The following TLE1 variants were observed in gnomAD, a reference collection of about 807,000 sequenced individuals.
TLE1 encodes the protein transducin-like enhancer protein 1.
A neutral mutation model predicts 89.8 loss-of-function variants in TLE1; 21 were observed. The observed-to-expected ratio is 0.23, with a 90% CI of 0.17 to 0.34. The LOEUF (loss-of-function observed/expected upper bound fraction) is 0.34, where lower values mean the gene tolerates loss of function less well. Among genes scored for constraint, TLE1 ranks in the 10% least tolerant of loss-of-function variants. The pLI, the probability that TLE1 is intolerant of heterozygous loss-of-function variation, is 1.00. For missense variants in TLE1, 795 were observed against 1,031.2 expected, an observed-to-expected ratio of 0.77 and a Z score of 3.14; for synonymous variants, 447 against 407.6, an observed-to-expected ratio of 1.10 and a Z score of -1.16.
At chr9:81,675,648 T>A (rs1309249156) in intron 4 of TLE1, among the ~76,000 whole-genome samples, 1 of 151,920 alleles carries the variant, frequency 6.6e-6, no homozygotes, top group Non-Finnish European at 1.5e-5. Flanking sequence ...GATAAGGTTA[T>A]TAGAACTGAA....
chr9:81,588,261 GAGAA>G (rs1212566218), intron 16 of TLE1, among the ~76,000 whole-genome samples: 3 of 152,208 alleles, frequency 2.0e-5, no homozygotes, highest in African/African-American at 7.2e-5. Context: ...GAGTCCGTGA[GAGAA>G]AGAAATGGGG....
At chr9:81,675,975 G>A (rs965175197) in intron 4 of TLE1, among the ~76,000 whole-genome samples, 32 of 151,900 alleles carry the variant, frequency 2.1e-4, no homozygotes, top group African/African-American at 7.3e-5. Context: ...CTGGGATTAC[G>A]GGCGTGAGCC....
At chr9:81,585,410 A>AT (rs2131727199) in intron 18 of TLE1, 95 bp downstream of exon 18, 3 of 1,490,602 alleles carry the variant, frequency 2.0e-6, no homozygotes, top group South Asian at 2.6e-5. Context: ...CTCGGAGAAC[A>AT]TTTTTTCCAG....
At chr9:81,646,112 G>A (rs972654349) in intron 6 of TLE1, among the ~76,000 whole-genome samples, 5 of 152,054 alleles carry the variant, frequency 3.3e-5, no homozygotes, top group South Asian at 2.1e-4. Context: ...CATGTATCCC[G>A]GAACTTAAAT....
chr9:81,616,507 A>G, intron 10 of TLE1, 139 bp downstream of exon 10: 1 of 775,300 alleles, frequency 1.3e-6, no homozygotes, highest in Admixed American at 2.6e-5. Context: ...ATACATGAGC[A>G]ACCATTAACT....
chr9:81,680,133 G>A (rs1833422095), intron 4 of TLE1, among the ~76,000 whole-genome samples: 2 of 152,188 alleles, frequency 1.3e-5, no homozygotes, highest in African/African-American at 2.4e-5. Flanking sequence ...CCATGCGAGG[G>A]AACAAACAGA....
Position 81,611,927 on chromosome 9 carries a change from C to A in TLE1, c.1096G>T (p.Gly366Cys). 6.7e-7 allele frequency: 1 copy of A among 1,492,984 alleles called. No individual in the cohort carries two copies. The highest frequency in any genetic ancestry group is 1.4e-5 in the South Asian group (1 of 73,550). 92.5% of individuals were successfully genotyped at this position (1,492,984 alleles called of 1,614,324 possible). Reference sequence around the variant, plus strand: ...ATCCCAAAAGGAGCAGGATATGGGCCGGGCACTGCCAGGGGTGTCCTCAAG... The same window carrying A: ...ATCCCAAAAGGAGCAGGATATGGGCAGGGCACTGCCAGGGGTGTCCTCAAG... ...AGLRTPLAVP[G>C]PYPAPFGMVP... The change falls in exon 13 of 20, where the codon GGC (glycine) becomes TGC (cysteine). Residue 366 changes from glycine (G) to cysteine (C), a missense_variant. By Grantham distance (159) the Gly-to-Cys change is radical (BLOSUM62 -3). Around this residue, in one of 4 missense-constraint regions of TLE1, gnomAD observed 468 missense variants for 509.1 expected, o/e 0.92. Transcript: ENST00000376499.
chr9:81,621,904 C>G (rs1423133739), intron 8 of TLE1, among the ~76,000 whole-genome samples: 1 of 152,164 alleles, frequency 6.6e-6, no homozygotes, highest in Non-Finnish European at 1.5e-5. Flanking sequence ...GTTCAAGCTA[C>G]ACAAATGCCA....
intron 6 of TLE1, among the ~76,000 whole-genome samples, 165 bp from the exon 7 acceptor site, chr9:81,634,466 G>A (rs983138788): frequency 1.1e-4 from 16 of 144,554 alleles, no homozygotes; most frequent in Admixed American, 4.3e-4. Context: ...AAGAAAGAGA[G>A]GGAGGAAAGG....
rs79745040 is a variant in TLE1 at position 81,628,919 on chromosome 9, A to G, written c.594+4429T>C. 5.9e-3 allele frequency among the ~76,000 whole-genome samples: 902 copies of G among 152,220 alleles called. 11 individuals are homozygous for G. The highest frequency in any genetic ancestry group is 0.02 in the African/African-American group (843 of 41,526). On this transcript the variant is annotated intron_variant, in intron 8 of 19. Coordinates refer to ENST00000376499, the MANE Select transcript of TLE1 (RefSeq NM_005077.5). The stretch of plus-strand genomic sequence containing the variant: ...ATAGTCTCTCCCCAGAATTCTGCAA[A>G]AGAGCACGGACCCACCCAGTCCATC...
rs766168019 is a variant in TLE1, at chr9:81,584,095, G to A, written c.*103C>T. On this transcript the variant is annotated 3_prime_UTR_variant, in exon 20 of 20. Transcript: ENST00000376499. ...TTTCTGTCAAGGTTTGGAAACAGGT[G>A]TTTGTAATTTTTTTTCTCTTTTAAA... 144 of 1,037,322 alleles carry A rather than the reference G, an allele frequency of 1.4e-4. No homozygotes were observed. Among genetic ancestry groups the A allele is most frequent in the Non-Finnish European group, 1.9e-4 (133 of 688,330 alleles). The allele number at this position is 1,037,322 out of a possible 1,614,324, so 64.3% of individuals were successfully genotyped here.
At chr9:81,596,760 G>A (rs1830275714) in intron 14 of TLE1, among the ~76,000 whole-genome samples, 1 of 152,170 alleles carries the variant, frequency 6.6e-6, no homozygotes, top group Non-Finnish European at 1.5e-5. Context: ...TCAAGGTGGT[G>A]GTTAACCTTG....
rs148634896 is a variant in TLE1, at chr9:81,649,674, A to G, written c.372+2540T>C. Among the ~76,000 whole-genome samples, 711 of 152,282 alleles carry G rather than the reference A, an allele frequency of 4.7e-3. 3 individuals carry two copies. The highest frequency in any genetic ancestry group is 0.016 in the African/African-American group (682 of 41,570). On this transcript the variant is annotated intron_variant, in intron 6 of 19. Coordinates refer to ENST00000376499, the MANE Select transcript of TLE1 (RefSeq NM_005077.5). ...TACCCTAAGTCGGCCCCTGAACAATACTGACAGCTGCTATCAAACCAGGCT... is the reference window on the plus strand; with the variant it reads ...TACCCTAAGTCGGCCCCTGAACAATGCTGACAGCTGCTATCAAACCAGGCT...
At chr9:81,620,973 C>T in intron 8 of TLE1, 1 of 479,498 alleles carries the variant, frequency 2.1e-6, no homozygotes, top group Non-Finnish European at 4.1e-6. Context: ...TCAATGTGTA[C>T]CACTCTAAAA....
At chr9:81,591,162 ACT>A in intron 15 of TLE1, 110 bp from the exon 16 acceptor site, 1 of 1,403,542 alleles carries the variant, frequency 7.1e-7, no homozygotes, top group Non-Finnish European at 9.7e-7. Flanking sequence ...TTTCATGGAC[ACT>A]CTAACAGAGC....
chr9:81,589,821 G>T (rs1460467978), intron 16 of TLE1, among the ~76,000 whole-genome samples: 2 of 152,190 alleles, frequency 1.3e-5, no homozygotes, highest in Non-Finnish European at 2.9e-5. Context: ...TTCGGCCCTG[G>T]CTCCATCATT....
chr9:81,633,305 G>GTC, intron 8 of TLE1, 43 bp downstream of exon 8: 1 of 1,584,272 alleles, frequency 6.3e-7, no homozygotes, highest in Non-Finnish European at 8.6e-7. Flanking sequence ...GTGTGTGTGT[G>GTC]TGTGTGTGTG....
Position 81,660,834 on chromosome 9 carries a change from C to T in TLE1, c.235-6798G>A, listed in dbSNP as rs1019915913. ...AGATATGGCCGGGCGTGGTGGCTCA[C>T]GCCTGTAATCCCAGCACTTTGGGAG... On this transcript the variant is annotated intron_variant, in intron 4 of 19. Transcript: ENST00000376499. 5.7e-4 allele frequency among the ~76,000 whole-genome samples: 86 copies of T among 150,242 alleles called. No homozygotes were observed. The Middle Eastern group carries it at 0.014, about 24-fold the overall frequency.
Position 81,610,272 on chromosome 9 carries a change from T to C in TLE1, c.1279A>G (p.Met427Val), listed in dbSNP as rs780524615. 8 of 1,613,896 alleles carry C rather than the reference T, an allele frequency of 5.0e-6. No homozygotes were observed. In the East Asian group the frequency reaches 6.7e-5, roughly 13 times the overall value. ...PMVGFDPPPH[M>V]RVPTIPPNLA... ...TTTGGAGGAATGGTAGGTACTCTCATGTGAGGGGGAGGATCAAACCCCACC... is the reference window on the plus strand; with the variant it reads ...TTTGGAGGAATGGTAGGTACTCTCACGTGAGGGGGAGGATCAAACCCCACC... Residue 427 changes from methionine to valine, a missense_variant, in exon 14 of 20, where the codon ATG (methionine) becomes GTG (valine). Met to Val is a conservative substitution (Grantham distance 21). Around this residue, in one of 4 missense-constraint regions of TLE1, gnomAD observed 468 missense variants for 509.1 expected, o/e 0.92. Transcript: ENST00000376499.
Sources: allele counts gnomAD v4.1 joint callset (sites outside exome capture counted in the v4.1 genomes callset), GRCh38; gene constraint gnomAD v4.1.1; regional missense constraint gnomAD v4.1.1; transcripts MANE v1.5; gene names NCBI Gene and HGNC (gene_info 2026-07-23, HGNC 2026-07-21).